FOXO3: variants seen among roughly 807,000 people sequenced by gnomAD.
FOXO3 encodes the protein forkhead box O3, also known as forkhead box protein O3.
FOXO3 carries 4 observed loss-of-function variants against 41.9 expected under a neutral mutation model. The observed-to-expected ratio is 0.10, with a 90% CI of 0.05 to 0.22. FOXO3 has a LOEUF of 0.22. Among genes scored for constraint, FOXO3 ranks in the 10% least tolerant of loss-of-function variants. The pLI is 1.00. For synonymous variants in FOXO3, 318 were observed against 389.3 expected (o/e 0.82, Z 2.16); for missense variants, 534 against 906.8 (o/e 0.59, Z 5.28).
At chr6:108,631,109 C>T (rs1777961246) in intron 1 of FOXO3, among the ~76,000 whole-genome samples, 1 of 152,118 alleles carries the variant, frequency 6.6e-6, no homozygotes, top group Non-Finnish European at 1.5e-5. Flanking sequence ...TCATCATGAA[C>T]CATCAGTGTT....
chr6:108,601,721 T>C (rs75845752), intron 1 of FOXO3, among the ~76,000 whole-genome samples: 2,442 of 152,370 alleles, frequency 0.016, 67 homozygotes, highest in African/African-American at 0.056. Flanking sequence ...GAATGTTACA[T>C]AAGTGATCAT....
chr6:108,657,093 G>A (rs1022150189), intron 1 of FOXO3, among the ~76,000 whole-genome samples: 1 of 152,140 alleles, frequency 6.6e-6, no homozygotes, highest in African/African-American at 2.4e-5. Flanking sequence ...TACACCTAAC[G>A]GGTTTCTGCC....
intron 2 of FOXO3, among the ~76,000 whole-genome samples, chr6:108,673,141 C>A (rs1329341650): frequency 6.6e-6 from 1 of 152,176 alleles, no homozygotes; most frequent in Non-Finnish European, 1.5e-5. Flanking sequence ...GAAGGTGACC[C>A]TAATGTTTAC....
chr6:108,606,718 A>T (rs950043514), intron 1 of FOXO3, among the ~76,000 whole-genome samples: 9 of 152,220 alleles, frequency 5.9e-5, no homozygotes, highest in Admixed American at 2.0e-4. Context: ...TGACAGGACT[A>T]CCTGTTTTCA....
chr6:108,671,669 A>G (rs1381306446), intron 2 of FOXO3, among the ~76,000 whole-genome samples: 2 of 152,218 alleles, frequency 1.3e-5, no homozygotes, highest in East Asian at 3.8e-4. Flanking sequence ...AGAGGTTAAT[A>G]GTGGAAGCCA....
chr6:108,573,643 C>T (rs565983349), intron 1 of FOXO3, among the ~76,000 whole-genome samples: 8 of 151,774 alleles, frequency 5.3e-5, no homozygotes, highest in Admixed American at 3.9e-4. Flanking sequence ...GCCTGGCCAA[C>T]ATGGTGAAAT....
chr6:108,623,359 G>A (rs188059099), intron 1 of FOXO3, among the ~76,000 whole-genome samples: 2 of 152,282 alleles, frequency 1.3e-5, no homozygotes, highest in Admixed American at 1.3e-4. Context: ...AGGTTTTACT[G>A]AACCCACCTG....
rs1776585111 is a variant in FOXO3, at chr6:108,586,611, A to T, written c.621+24782A>T. Among the ~76,000 whole-genome samples, 3 of 152,136 alleles carry T rather than the reference A, an allele frequency of 2.0e-5. No homozygotes were observed. The South Asian group carries it at 6.2e-4, about 32-fold the overall frequency. ...GTTTCTTTGGGAAGGTTCTTGGAGGACCCTATGGGAGGAAACCCTGGACAG... is the reference window on the plus strand; with the variant it reads ...GTTTCTTTGGGAAGGTTCTTGGAGGTCCCTATGGGAGGAAACCCTGGACAG... On this transcript the variant is annotated intron_variant, in intron 1 of 2. Transcript: ENST00000406360.
At chr6:108,626,705 G>GA (rs1237595771) in intron 1 of FOXO3, among the ~76,000 whole-genome samples, 4 of 151,850 alleles carry the variant, frequency 2.6e-5, no homozygotes, top group African/African-American at 9.7e-5. Flanking sequence ...TCACTAATCT[G>GA]AAATTTTATG....
At chr6:108,570,767 A>G (rs1249847548) in intron 1 of FOXO3, among the ~76,000 whole-genome samples, 9 of 152,218 alleles carry the variant, frequency 5.9e-5, no homozygotes, top group Non-Finnish European at 1.3e-4. Context: ...CCACACAGCT[A>G]AAATAATACC....
At chr6:108,582,974 T>C (rs1169928546) in intron 1 of FOXO3, among the ~76,000 whole-genome samples, 4 of 152,206 alleles carry the variant, frequency 2.6e-5, no homozygotes, top group African/African-American at 7.2e-5. Flanking sequence ...ATGGAACTCC[T>C]GAGTCCTGAA....
chr6:108,664,093 C>A lies in FOXO3; in HGVS notation c.1260C>A (p.Gly420=), dbSNP rs1246838845. Residue 420 remains glycine (G), a synonymous_variant, in exon 2 of 3, where the codon GGC becomes GGA. Transcript: ENST00000406360. ...CTAGCTTCCCGTATACCACCAAGGGCTCGGGCCTGGGCTCCCCAACCAGCT... is the reference window on the plus strand; with the variant it reads ...CTAGCTTCCCGTATACCACCAAGGGATCGGGCCTGGGCTCCCCAACCAGCT... ...RSSSFPYTTK[G]SGLGSPTSSF... 2.5e-6 allele frequency: 4 copies of A among 1,614,082 alleles called. No homozygotes were observed. Among genetic ancestry groups the A allele is most frequent in the Non-Finnish European group, 3.4e-6 (4 of 1,180,058 alleles).
chr6:108,675,976 C>G (rs906204654), intron 2 of FOXO3, among the ~76,000 whole-genome samples: 7 of 152,146 alleles, frequency 4.6e-5, no homozygotes, highest in African/African-American at 1.4e-4. Flanking sequence ...ATTTCCCTTT[C>G]TTAGAGTATC....
chr6:108,589,127 T>C (rs1776664790), intron 1 of FOXO3, among the ~76,000 whole-genome samples: 1 of 152,220 alleles, frequency 6.6e-6, no homozygotes, highest in Admixed American at 6.5e-5. Flanking sequence ...CTGTGGACTG[T>C]TTCGCAAGTA....
intron 1 of FOXO3, among the ~76,000 whole-genome samples, chr6:108,662,102 T>A (rs951447564): frequency 2.6e-5 from 4 of 152,216 alleles, no homozygotes; most frequent in African/African-American, 7.2e-5. Flanking sequence ...CCATATTACC[T>A]TTAGCCGTCA....
chr6:108,564,653 G>A (rs549112853), intron 1 of FOXO3, among the ~76,000 whole-genome samples: 1 of 152,286 alleles, frequency 6.6e-6, no homozygotes, highest in East Asian at 1.9e-4. Flanking sequence ...AGGACTTAGA[G>A]ATCAGAATCT....
intron 1 of FOXO3, among the ~76,000 whole-genome samples, chr6:108,573,813 G>T (rs1445425449): frequency 2.6e-5 from 4 of 151,870 alleles, no homozygotes; most frequent in Admixed American, 1.3e-4. Flanking sequence ...TGGGGGACAA[G>T]AGCAAGACTT....
At chr6:108,663,433 G>T in intron 1 of FOXO3, 22 bp from the exon 2 acceptor site, 1 of 1,584,460 alleles carries the variant, frequency 6.3e-7, no homozygotes, top group Non-Finnish European at 8.6e-7. Context: ...TTCATACTCT[G>T]TATTTTCTTT....
chr6:108,582,155 G>A (rs1776438272), intron 1 of FOXO3, among the ~76,000 whole-genome samples: 1 of 152,146 alleles, frequency 6.6e-6, no homozygotes, highest in Non-Finnish European at 1.5e-5. Flanking sequence ...AAGGACATTG[G>A]CCCTTTCTTC....
Sources: gnomAD v4.1 joint callset for allele counts (sites outside exome capture counted in the v4.1 genomes callset) on GRCh38, gnomAD v4.1.1 for gene constraint, MANE v1.5 for transcripts, NCBI Gene and HGNC (gene_info 2026-07-23, HGNC 2026-07-21) for gene names.